The following CLPB variants were observed in gnomAD, a reference collection of about 807,000 sequenced individuals.
The protein encoded by CLPB is ClpB family mitochondrial disaggregase.
A neutral mutation model predicts 78.4 loss-of-function variants in CLPB; 40 were observed. That is an observed-to-expected ratio of 0.51 (90% CI 0.40 to 0.66). CLPB has a LOEUF of 0.66. CLPB is among the 30% of genes least tolerant of loss of function. The pLI, the probability that CLPB is intolerant of heterozygous loss-of-function variation, is 0.00. For synonymous variants in CLPB, 333 were observed against 348.0 expected (o/e 0.96, Z 0.48); for missense variants, 780 against 886.9 (o/e 0.88, Z 1.53).
rs566312225 is a variant in CLPB, at chr11:72,389,798, T to C, written c.543-9414A>G. On this transcript the variant is annotated intron_variant, in intron 3 of 15. Coordinates refer to ENST00000538039, the MANE Select transcript of CLPB (RefSeq NM_001258392.3). Reference sequence around the variant, plus strand: ...AAAATTAGCCAGGTGTGGTGGCACATGCCTGTAGTTCCAGCTACTCGGGAG... The same window carrying C: ...AAAATTAGCCAGGTGTGGTGGCACACGCCTGTAGTTCCAGCTACTCGGGAG... Among the ~76,000 whole-genome samples, 41 of 152,162 alleles carry C rather than the reference T, an allele frequency of 2.7e-4. 1 individual carries two copies. Among genetic ancestry groups the C allele is most frequent in the African/African-American group, 5.8e-4 (24 of 41,518 alleles).
chr11:72,358,774 A>C (rs1420346470), intron 5 of CLPB, 106 bp downstream of exon 5: 2 of 884,428 alleles, frequency 2.3e-6, no homozygotes, highest in Non-Finnish European at 3.3e-6. Context: ...GAGGCTGCCA[A>C]GTACTCTCTC....
rs1396674019 is a variant in CLPB at position 72,312,254 on chromosome 11, A to T, written c.989-3650T>A. ...AGTGGCGAGGAGTGGGATAACAATA[A>T]GAGTAAAAATAATGGTAGTCATAGC... On this transcript the variant is annotated intron_variant, in intron 7 of 15. Transcript: ENST00000538039. The surrounding 1 kb of genome is among the most constrained non-coding windows in gnomAD (Gnocchi z 4.2). 6.6e-6 allele frequency among the ~76,000 whole-genome samples: 1 copy of T among 152,248 alleles called. No individual in the cohort carries two copies. Among genetic ancestry groups the T allele is most frequent in the Non-Finnish European group, 1.5e-5 (1 of 68,044 alleles).
intron 4 of CLPB, among the ~76,000 whole-genome samples, chr11:72,365,011 G>A (rs927389769): frequency 1.4e-4 from 21 of 152,156 alleles, no homozygotes; most frequent in Non-Finnish European, 2.4e-4. Context: ...CTGGCTATCA[G>A]GAAAGTGCAA....
At chr11:72,294,215 C>A in intron 14 of CLPB, 89 bp from the exon 15 acceptor site, 1 of 1,602,380 alleles carries the variant, frequency 6.2e-7, no homozygotes, top group South Asian at 1.1e-5. Context: ...GCCACTGGCC[C>A]CACACCACTG....
chr11:72,339,373 C>T (rs1324327670), intron 5 of CLPB, among the ~76,000 whole-genome samples: 1 of 152,086 alleles, frequency 6.6e-6, no homozygotes, highest in Non-Finnish European at 1.5e-5. Flanking sequence ...ATTTCAAGGG[C>T]CATCATGTTA....
At chr11:72,301,063 T>C (rs1249016207) in intron 11 of CLPB, among the ~76,000 whole-genome samples, 1 of 152,230 alleles carries the variant, frequency 6.6e-6, no homozygotes, top group Non-Finnish European at 1.5e-5. Flanking sequence ...TTTCTTCATC[T>C]GTAAAAAATG....
chr11:72,433,928 C>T (rs1324860175), intron 1 of CLPB, 144 bp downstream of exon 1: 2 of 997,056 alleles, frequency 2.0e-6, no homozygotes, highest in African/African-American at 1.6e-5. Context: ...CAACACCCTG[C>T]CCCTGTAACC....
intron 5 of CLPB, among the ~76,000 whole-genome samples, chr11:72,335,423 A>T (rs1950302421): frequency 6.6e-6 from 1 of 152,196 alleles, no homozygotes; most frequent in African/African-American, 2.4e-5. Context: ...GAATGTCCCC[A>T]GTACCCAGCC....
chr11:72,380,523 T>C (rs1854879117), intron 3 of CLPB, 139 bp from the exon 4 acceptor site: 1 of 674,026 alleles, frequency 1.5e-6, no homozygotes, highest in Non-Finnish European at 2.6e-6. Context: ...CCATGAACTT[T>C]GGGAGTGTAA....
intron 5 of CLPB, 150 bp from the exon 6 acceptor site, chr11:72,329,954 A>C: frequency 1.7e-6 from 1 of 601,416 alleles, no homozygotes; most frequent in Non-Finnish European, 3.0e-6. Flanking sequence ...TGGGGCTCCT[A>C]CATGTGCATG....
At chr11:72,408,240 G>T in intron 2 of CLPB, 1 of 1,413,620 alleles carries the variant, frequency 7.1e-7, no homozygotes, top group Non-Finnish European at 9.7e-7. Context: ...TGACCCTGGA[G>T]TCCAAAGGCT....
chr11:72,290,941 T>C lies in CLPB; in HGVS notation c.*2426A>G, dbSNP rs1258297240. 7.2e-6 allele frequency: 1 copy of C among 139,330 alleles called. No individual in the cohort carries two copies. 8.6% of individuals were successfully genotyped at this position (139,330 alleles called of 1,614,324 possible). On this transcript the variant is annotated 3_prime_UTR_variant, in exon 16 of 16. Transcript: ENST00000538039. ...TCCTGGGTGACAGAGCGGGACTCCG[T>C]CTCAAAAAAAAAAAAAAAACCAAAA...
At chr11:72,326,090 C>T (rs1370349351) in intron 6 of CLPB, among the ~76,000 whole-genome samples, 2 of 152,146 alleles carry the variant, frequency 1.3e-5, no homozygotes, top group African/African-American at 2.4e-5. Flanking sequence ...ACAGGGGTAA[C>T]AAGAACTACT....
chr11:72,347,112 G>A (rs1252613429), intron 5 of CLPB, among the ~76,000 whole-genome samples: 4 of 152,006 alleles, frequency 2.6e-5, no homozygotes, highest in Admixed American at 6.6e-5. Flanking sequence ...TGTGGAGTAC[G>A]TGCTGGAGTT....
chr11:72,327,002 C>G (rs921659598), intron 6 of CLPB, among the ~76,000 whole-genome samples: 33 of 152,270 alleles, frequency 2.2e-4, no homozygotes, highest in East Asian at 3.9e-4. Flanking sequence ...TGGAGATGCT[C>G]AGTGGACACA....
intron 15 of CLPB, among the ~76,000 whole-genome samples, 173 bp from the exon 16 acceptor site, chr11:72,293,788 T>G (rs1360919290): frequency 6.6e-6 from 1 of 152,212 alleles, no homozygotes; most frequent in African/African-American, 2.4e-5. Flanking sequence ...CGCTCAAGTT[T>G]CTGAGGCTCC....
At chr11:72,295,750 CTG>C in intron 11 of CLPB, 102 bp from the exon 12 acceptor site, 1 of 1,140,632 alleles carries the variant, frequency 8.8e-7, no homozygotes, top group Non-Finnish European at 1.3e-6. Context: ...CCCCAGAGCC[CTG>C]TGTCTCCCTC....
chr11:72,373,960 C>CAAAAA (rs35682727), intron 4 of CLPB, among the ~76,000 whole-genome samples: 6 of 80,532 alleles, frequency 7.5e-5, no homozygotes, highest in African/African-American at 1.9e-4. Flanking sequence ...AACTCTGTCT[C>CAAAAA]AAAAAAAAAA....
At position 72,287,688 on chromosome 11, in the gene CLPB, AACC is replaced by A. The variant is rs1949406158; in HGVS notation, c.*5676_*5678del. The A allele has an allele frequency of 6.6e-6, 1 of 152,266 alleles. No individual in the cohort carries two copies. Among genetic ancestry groups the A allele is most frequent in the Non-Finnish European group, 1.5e-5 (1 of 68,054 alleles). The allele number at this position is 152,266 out of a possible 1,614,324, so 9.4% of individuals were successfully genotyped here. A position where few individuals can be genotyped will look rare whatever the true frequency, so the allele number is the denominator to read the frequency against. On this transcript the variant is annotated 3_prime_UTR_variant, in exon 16 of 16. Coordinates refer to ENST00000538039, the MANE Select transcript of CLPB (RefSeq NM_001258392.3). ...TGGTGCTCAAAAAGGATAAAATTTT[AACC>A]ACCTTTCCAGTTTCTTCTTGGGTAA...
Sources: allele counts gnomAD v4.1 joint callset (sites outside exome capture counted in the v4.1 genomes callset), GRCh38; gene constraint gnomAD v4.1.1; non-coding constraint Gnocchi (gnomAD v3.1); transcripts MANE v1.5; gene names NCBI Gene and HGNC (gene_info 2026-07-23, HGNC 2026-07-21).